Variants in CEP135 observed in about 807,000 individuals in gnomAD.
CEP135 encodes centrosomal protein of 135 kDa.
Under a neutral mutation model 157.3 loss-of-function variants are expected in CEP135, and 142 were observed. That is an observed-to-expected ratio of 0.90 (90% CI 0.79 to 1.04). The LOEUF (loss-of-function observed/expected upper bound fraction) is 1.04. Among genes scored for constraint, CEP135 ranks in the 50% least tolerant of loss-of-function variants. CEP135 has a pLI of 0.00. For missense variants in CEP135, 1,317 were observed against 1,309.2 expected (o/e 1.01, Z -0.09); for synonymous variants, 396 against 439.8 (o/e 0.90, Z 1.25).
In CEP135 at chr4:56,011,399, T is replaced by G; in HGVS notation, c.2506-13T>G. On this transcript the variant is annotated splice_polypyrimidine_tract_variant and intron_variant, in intron 19 of 25. Transcript: ENST00000257287. ...TGTTCATTTTAGATTGTCTTTAATT[T>G]TCTGATTTGTAGGAAATCTCATTGG... is the stretch of plus-strand genomic sequence containing the variant. 1 of 1,546,150 alleles carries G rather than the reference T, an allele frequency of 6.5e-7. No homozygotes were observed. The highest frequency in any genetic ancestry group is 8.8e-7 in the Non-Finnish European group (1 of 1,132,078).
chr4:55,996,393 T>A (rs746280814), intron 15 of CEP135, among the ~76,000 whole-genome samples: 1 of 152,190 alleles, frequency 6.6e-6, no homozygotes, highest in Non-Finnish European at 1.5e-5. Flanking sequence ...AGAAGACTCA[T>A]AAGTTATCTG....
chr4:55,967,764 A>G (rs1577872826), intron 8 of CEP135, among the ~76,000 whole-genome samples: 3 of 152,160 alleles, frequency 2.0e-5, no homozygotes, highest in Non-Finnish European at 4.4e-5. Flanking sequence ...AGTGGAATAG[A>G]AGGAAATTAC....
Position 56,008,365 on chromosome 4 carries a change from G to T in CEP135, c.2319G>T (p.Glu773Asp). 2 of 1,610,128 alleles carry T rather than the reference G, an allele frequency of 1.2e-6. No individual in the cohort carries two copies. Among genetic ancestry groups the T allele is most frequent in the Non-Finnish European group, 1.7e-6 (2 of 1,178,350 alleles). ...AVAQMKIMIS[E>D]CESSVNQLKE... ...CTCAAATGAAGATAATGATCTCAGAGTGTGAATCATCTGTGAAGTAAGTCA... is the reference window on the plus strand; with the variant it reads ...CTCAAATGAAGATAATGATCTCAGATTGTGAATCATCTGTGAAGTAAGTCA... The change falls in exon 18 of 26, where the codon GAG (glutamate) becomes GAT (aspartate). Residue 773 changes from glutamate (E) to aspartate (D), a missense_variant. Physicochemically the swap from Glu to Asp is conservative, Grantham distance 45 (BLOSUM62 2). Transcript: ENST00000257287.
At chr4:56,012,353 G>A (rs981741829) in intron 21 of CEP135, among the ~76,000 whole-genome samples, 2 of 152,184 alleles carry the variant, frequency 1.3e-5, no homozygotes, top group Admixed American at 6.6e-5. Context: ...ACCGCACCCG[G>A]CCTCAAAGAT....
intron 1 of CEP135, among the ~76,000 whole-genome samples, chr4:55,951,170 G>A (rs985753050): frequency 4.6e-5 from 7 of 152,142 alleles, no homozygotes; most frequent in Non-Finnish European, 1.0e-4. Context: ...TGGGGGTTTA[G>A]GTTGTTTCCA....
rs1731370261 is a variant in CEP135 at position 56,032,047 on chromosome 4, G to C, written c.*699G>C. ...ACACAAATTCAAAAGCAAACTAAAA[G>C]CTATATGCAGAGTTTTGTATAAAAC... On this transcript the variant is annotated 3_prime_UTR_variant, in exon 26 of 26. Transcript: ENST00000257287. The C allele has an allele frequency of 6.6e-6, 1 of 152,122 alleles. No homozygotes were observed. The highest frequency in any genetic ancestry group is 1.5e-5 in the Non-Finnish European group (1 of 68,014). The allele number at this position is 152,122 out of a possible 1,614,324, so 9.4% of individuals were successfully genotyped here.
At chr4:55,969,375 C>T (rs1458830097) in intron 9 of CEP135, among the ~76,000 whole-genome samples, 1 of 149,858 alleles carries the variant, frequency 6.7e-6, no homozygotes. Flanking sequence ...TGCAGTGAGC[C>T]GAGGTCACAC....
intron 14 of CEP135, among the ~76,000 whole-genome samples, chr4:55,986,431 A>G (rs1729585826): frequency 6.6e-6 from 1 of 152,068 alleles, no homozygotes; most frequent in African/African-American, 2.4e-5. Context: ...GGTGCCAGCT[A>G]CTTGGGAGGC....
Position 55,999,604 on chromosome 4 carries a change from A to G in CEP135, c.2239A>G (p.Thr747Ala), listed in dbSNP as rs771293934. Residue 747 changes from threonine to alanine, a missense_variant, in exon 17 of 26, where the codon ACA becomes GCA. Thr to Ala is a moderately conservative substitution (Grantham distance 58, BLOSUM62 0). Coordinates refer to ENST00000257287, the MANE Select transcript of CEP135 (RefSeq NM_025009.5). ...TCTCCAGGAGACTGTAGATGAGAAG[A>G]CAGAAAAGATTGCAAATTTGCAAGA... is the stretch of plus-strand genomic sequence containing the variant. ...DFLQETVDEK[T>A]EKIANLQENL... The G allele has an allele frequency of 1.9e-6, 3 of 1,602,378 alleles. No homozygotes were observed. Among genetic ancestry groups the G allele is most frequent in the South Asian group, 1.1e-5 (1 of 88,456 alleles).
At chr4:55,997,045 C>G (rs138090523) in intron 15 of CEP135, among the ~76,000 whole-genome samples, 4 of 152,280 alleles carry the variant, frequency 2.6e-5, no homozygotes, top group East Asian at 1.9e-4. Context: ...TGTTACTTCC[C>G]TTTGCTACGT....
chr4:55,977,191 A>G lies in CEP135; in HGVS notation c.1473+2222A>G, dbSNP rs150822139. Reference sequence around the variant, plus strand: ...ACCACAAAGATCATTCTACAGCTGGATTTGGTACTAGCTGTGTTTTCAACC... The same window carrying G: ...ACCACAAAGATCATTCTACAGCTGGGTTTGGTACTAGCTGTGTTTTCAACC... On this transcript the variant is annotated intron_variant, in intron 11 of 25. Coordinates refer to ENST00000257287, the MANE Select transcript of CEP135 (RefSeq NM_025009.5). Among the ~76,000 whole-genome samples, 3 of 152,240 alleles carry G rather than the reference A, an allele frequency of 2.0e-5. No homozygotes were observed. In the East Asian group the frequency reaches 5.8e-4, roughly 29 times the overall value.
chr4:55,976,401 G>T (rs1729222608), intron 11 of CEP135, among the ~76,000 whole-genome samples: 1 of 151,982 alleles, frequency 6.6e-6, no homozygotes, highest in Non-Finnish European at 1.5e-5. Context: ...TTGTATAGAG[G>T]AATCTCCCAC....
In CEP135 at chr4:56,011,492, G is replaced by A. The variant is rs1283373660; in HGVS notation, c.2586G>A (p.Val862=). The A allele has an allele frequency of 4.3e-6, 7 of 1,610,522 alleles. No homozygotes were observed. The highest frequency in any genetic ancestry group is 1.7e-5 in the Admixed American group (1 of 59,556). The change falls in exon 20 of 26, where the codon GTG becomes GTA. Residue 862 remains valine (V), a synonymous_variant. Transcript: ENST00000257287. ...GAGTTCATAAATACATAACAGAGGT[G>A]TCACGATGGGAGAGCTTAATGGCTG... ...KSRVHKYITE[V]SRWESLMAAK... is the part of the protein sequence containing the mutation.
intron 5 of CEP135, among the ~76,000 whole-genome samples, chr4:55,958,713 T>C (rs980493975): frequency 2.0e-5 from 3 of 152,048 alleles, no homozygotes; most frequent in African/African-American, 7.2e-5. Context: ...TAGTAGAAAA[T>C]GTTGGTTCCA....
At chr4:56,004,644 T>C (rs1360179902) in intron 17 of CEP135, among the ~76,000 whole-genome samples, 2 of 152,238 alleles carry the variant, frequency 1.3e-5, no homozygotes, top group Non-Finnish European at 1.5e-5. Context: ...TTGACCCCTT[T>C]ATAATTCTAT....
intron 17 of CEP135, among the ~76,000 whole-genome samples, chr4:56,002,619 A>G (rs942941488): frequency 6.6e-6 from 1 of 152,140 alleles, no homozygotes; most frequent in Non-Finnish European, 1.5e-5. Flanking sequence ...TATTTAAAAA[A>G]TATTGTTGAA....
intron 17 of CEP135, among the ~76,000 whole-genome samples, chr4:56,005,216 C>G (rs2702342): frequency 0.54 from 82,591 of 151,828 alleles, 22,741 homozygotes; most frequent in African/African-American, 0.63. Context: ...AGACAAAGAT[C>G]AGAGGATTGC....
Position 56,009,845 on chromosome 4 carries a change from C to A in CEP135, c.2447C>A (p.Ala816Asp), listed in dbSNP as rs1261131225. 2 of 1,613,920 alleles carry A rather than the reference C, an allele frequency of 1.2e-6. No individual in the cohort carries two copies. Among genetic ancestry groups the A allele is most frequent in the Middle Eastern group, 1.6e-4 (1 of 6,084 alleles). ...GAAGTAGGAAGATCTAGAGAAATCG[C>A]TTTTAAGGAAAACAGAAGACTGCAA... is the stretch of plus-strand genomic sequence containing the variant. Reference protein sequence around the residue: ...LDEVGRSREIAFKENRRLQDD... With the variant: ...LDEVGRSREIDFKENRRLQDD... Residue 816 changes from alanine (A) to aspartate (D), a missense_variant, in exon 19 of 26, where the codon GCT (alanine) becomes GAT (aspartate). Coordinates refer to ENST00000257287, the MANE Select transcript of CEP135 (RefSeq NM_025009.5).
At position 55,961,764 on chromosome 4, in the gene CEP135, T is replaced by TAAAAAAAA. The variant is rs564116620; in HGVS notation, c.699+2022_699+2029dup. ...GGGCAACAAGAGCGAAAACTCTGTC[T>TAAAAAAAA]AAAAAAAAAAAAAAAAAAAAAAAAA... On this transcript the variant is annotated intron_variant, in intron 6 of 25. Transcript: ENST00000257287. 2.1e-3 allele frequency among the ~76,000 whole-genome samples: 114 copies of TAAAAAAAA among 54,208 alleles called. 5 individuals carry two copies. Among genetic ancestry groups the TAAAAAAAA allele is most frequent in the East Asian group, 0.019 (20 of 1,068 alleles). 35.6% of individuals were successfully genotyped at this position (54,208 alleles called of 152,430 possible).
Sources: gnomAD v4.1 joint callset for allele counts (sites outside exome capture counted in the v4.1 genomes callset) on GRCh38, gnomAD v4.1.1 for gene constraint, MANE v1.5 for transcripts, NCBI Gene and HGNC (gene_info 2026-07-23, HGNC 2026-07-21) for gene names.